The following COBLL1 variants were observed in gnomAD, a reference collection of about 807,000 sequenced individuals.
COBLL1 encodes cordon-bleu WH2 repeat protein like 1.
COBLL1 carries 50 observed loss-of-function variants against 94.8 expected under a neutral mutation model. The ratio of observed to expected loss-of-function variants is 0.53; its 90% CI spans 0.42 to 0.67. COBLL1 has a LOEUF of 0.67. Ranked by LOEUF, COBLL1 falls within the 30% of genes least tolerant of loss-of-function variation. The pLI, the probability that COBLL1 is intolerant of heterozygous loss-of-function variation, is 0.00. For synonymous variants in COBLL1, 448 were observed against 473.8 expected, an observed-to-expected ratio of 0.95 and a Z score of 0.71; for missense variants, 1,362 against 1,348.7, an observed-to-expected ratio of 1.01 and a Z score of -0.15.
chr2:164,808,433 C>T (rs1274335213), intron 2 of COBLL1, among the ~76,000 whole-genome samples: 3 of 152,136 alleles, frequency 2.0e-5, no homozygotes, highest in African/African-American at 7.2e-5. Context: ...ATCATCAGTG[C>T]TTACCGTTAG....
chr2:164,768,364 G>T (rs1688040339), intron 2 of COBLL1, among the ~76,000 whole-genome samples: 2 of 152,070 alleles, frequency 1.3e-5, no homozygotes. Context: ...GCCCAGGATG[G>T]TTTTGAATGT....
chr2:164,689,836 C>A (rs1022535206), intron 13 of COBLL1, among the ~76,000 whole-genome samples: 6 of 152,238 alleles, frequency 3.9e-5, no homozygotes, highest in Non-Finnish European at 8.8e-5. Context: ...CCCTCACCAA[C>A]CCCTCCTTTT....
intron 13 of COBLL1, chr2:164,687,394 T>G: frequency 1.2e-6 from 1 of 839,690 alleles, no homozygotes; most frequent in Non-Finnish European, 2.0e-6. Context: ...TTCATCGACA[T>G]TGAACTTGGT....
At position 164,727,987 on chromosome 2, in the gene COBLL1, C is replaced by A; in HGVS notation, c.643G>T (p.Ala215Ser). The change falls in exon 5 of 14, where the codon GCG (alanine) becomes TCG (serine). Residue 215 changes from alanine (A) to serine (S), a missense_variant. By Grantham distance (99) the Ala-to-Ser change is moderately conservative (BLOSUM62 1). Transcript: ENST00000652658. ...LNDLGLRELYAMDVNRESCQI... is the reference protein window; with the variant it reads ...LNDLGLRELYSMDVNRESCQI... ...TACTTACCTCTGTTGACATCCATCG[C>A]ATATAATTCTCTTAGTCCCAGGTCA... 1 of 1,607,242 alleles carries A rather than the reference C, an allele frequency of 6.2e-7. No individual in the cohort carries two copies. Among genetic ancestry groups the A allele is most frequent in the Non-Finnish European group, 8.5e-7 (1 of 1,173,850 alleles).
At chr2:164,759,562 A>T (rs1454639645) in intron 2 of COBLL1, among the ~76,000 whole-genome samples, 1 of 152,134 alleles carries the variant, frequency 6.6e-6, no homozygotes, top group African/African-American at 2.4e-5. Flanking sequence ...ATATAAAAAA[A>T]TTTGACTTCA....
chr2:164,787,487 A>G (rs1442713854), intron 2 of COBLL1, among the ~76,000 whole-genome samples: 4 of 152,184 alleles, frequency 2.6e-5, no homozygotes, highest in Non-Finnish European at 4.4e-5. Context: ...TCATTTTACA[A>G]TGTAAACATA....
At chr2:164,814,962 T>C (rs1369631996) in intron 2 of COBLL1, among the ~76,000 whole-genome samples, 1 of 152,222 alleles carries the variant, frequency 6.6e-6, no homozygotes, top group Non-Finnish European at 1.5e-5. Flanking sequence ...TTATCCATTA[T>C]TCAATTTGAT....
intron 2 of COBLL1, among the ~76,000 whole-genome samples, chr2:164,805,961 G>A (rs1224056598): frequency 1.3e-5 from 2 of 152,020 alleles, no homozygotes; most frequent in Non-Finnish European, 2.9e-5. Flanking sequence ...GAGAGTTCCT[G>A]TTGCTCTACA....
At position 164,685,836 on chromosome 2, in the gene COBLL1, T is replaced by C. The variant is rs1487731061; in HGVS notation, c.*110A>G. 4.5e-6 allele frequency: 2 copies of C among 439,980 alleles called. No individual in the cohort carries two copies. Among genetic ancestry groups the C allele is most frequent in the Non-Finnish European group, 8.2e-6 (2 of 244,636 alleles). 27.3% of individuals were successfully genotyped at this position (439,980 alleles called of 1,614,324 possible). A position where few individuals can be genotyped will look rare whatever the true frequency, so the allele number is the denominator to read the frequency against. On this transcript the variant is annotated 3_prime_UTR_variant, in exon 14 of 14. Coordinates refer to ENST00000652658, the MANE Select transcript of COBLL1 (RefSeq NM_001365672.2). Reference sequence around the variant, plus strand: ...AGCCACAACACAAATTCTAATATTTTAATAGATAATATATTAGTGTACATC... The same window carrying C: ...AGCCACAACACAAATTCTAATATTTCAATAGATAATATATTAGTGTACATC...
At chr2:164,833,220 G>A (rs144439136) in intron 2 of COBLL1, among the ~76,000 whole-genome samples, 4,863 of 151,988 alleles carry the variant, frequency 0.032, 108 homozygotes, top group East Asian at 0.061. Flanking sequence ...TGGGCATGGT[G>A]GCACATGCCT....
intron 1 of COBLL1, among the ~76,000 whole-genome samples, chr2:164,671,583 C>A (rs1691241802): frequency 6.6e-6 from 1 of 152,186 alleles, no homozygotes; most frequent in African/African-American, 2.4e-5. Context: ...TCATCTTTGA[C>A]ATTTCTGTCA....
intron 9 of COBLL1, chr2:164,703,651 A>G (rs1684432100): frequency 2.5e-6 from 1 of 404,904 alleles, no homozygotes; most frequent in Middle Eastern, 3.6e-4. Flanking sequence ...AAGATTCAAG[A>G]GTGTTCCTCC....
chr2:164,791,406 C>G (rs1683182784), intron 2 of COBLL1, among the ~76,000 whole-genome samples: 1 of 151,930 alleles, frequency 6.6e-6, no homozygotes, highest in African/African-American at 2.4e-5. Flanking sequence ...TTAATGACAG[C>G]TGGGAGTGAG....
At chr2:164,720,488 T>C (rs1685389627) in intron 7 of COBLL1, among the ~76,000 whole-genome samples, 1 of 152,118 alleles carries the variant, frequency 6.6e-6, no homozygotes, top group Non-Finnish European at 1.5e-5. Context: ...GGAATAAAGA[T>C]TTGTGAGCAT....
intron 2 of COBLL1, among the ~76,000 whole-genome samples, chr2:164,744,456 C>G (rs1202093806): frequency 6.6e-6 from 1 of 152,072 alleles, no homozygotes; most frequent in African/African-American, 2.4e-5. Flanking sequence ...ATAGATGTAA[C>G]TTTTTAGATC....
chr2:164,744,474 G>T (rs534619225), intron 2 of COBLL1, among the ~76,000 whole-genome samples: 15 of 151,998 alleles, frequency 9.9e-5, no homozygotes, highest in Non-Finnish European at 2.1e-4. Context: ...ATCTTTTGGG[G>T]GGTACCAGTT....
At chr2:164,764,396 T>G (rs1013424513) in intron 2 of COBLL1, among the ~76,000 whole-genome samples, 2 of 152,196 alleles carry the variant, frequency 1.3e-5, no homozygotes, top group Non-Finnish European at 1.5e-5. Context: ...GAATAAGAGA[T>G]AAACATAAAA....
chr2:164,798,353 G>A (rs979440826), intron 2 of COBLL1, among the ~76,000 whole-genome samples: 1 of 152,128 alleles, frequency 6.6e-6, no homozygotes. Context: ...AGTTTGCCAA[G>A]GCTGCCAGCA....
intron 2 of COBLL1, among the ~76,000 whole-genome samples, chr2:164,839,031 A>G (rs934332938): frequency 6.6e-6 from 1 of 152,208 alleles, no homozygotes; most frequent in African/African-American, 2.4e-5. Context: ...ATGCCAAAGG[A>G]CAAGTTAGAC....
Sources: allele counts gnomAD v4.1 joint callset (sites outside exome capture counted in the v4.1 genomes callset), GRCh38; gene constraint gnomAD v4.1.1; transcripts MANE v1.5; gene names NCBI Gene and HGNC (gene_info 2026-07-23, HGNC 2026-07-21).